PTPRD: variants seen among roughly 807,000 people sequenced by gnomAD.
PTPRD encodes receptor-type tyrosine-protein phosphatase delta.
In PTPRD, 34 loss-of-function variants were observed where a neutral mutation model predicts 214.5. The observed-to-expected ratio is 0.16, with a 90% confidence interval of 0.12 to 0.21. PTPRD has a LOEUF of 0.21. Ranked by LOEUF, PTPRD falls within the 10% of genes least tolerant of loss-of-function variation. The probability of loss-of-function intolerance (pLI) is 1.00; values close to 1 mark genes in which losing one functional copy is unlikely to be tolerated. For synonymous variants in PTPRD, 1,128 were observed against 845.7 expected (o/e 1.33, Z -5.79); for missense variants, 2,545 against 2,398.7 (o/e 1.06, Z -1.27).
chr9:9,845,910 A>G (rs2059442211), intron 5 of PTPRD, among the ~76,000 whole-genome samples: 1 of 152,098 alleles, frequency 6.6e-6, no homozygotes, highest in African/African-American at 2.4e-5. Context: ...AATGACATAC[A>G]CCTGGAGCAG....
chr9:9,486,183 A>AAAAAAAC (rs1374918293), intron 8 of PTPRD, among the ~76,000 whole-genome samples: 4 of 135,778 alleles, frequency 2.9e-5, no homozygotes, highest in Admixed American at 1.5e-4. Context: ...AAAAAAAAAA[A>AAAAAAAC]AAGCCTTCCC....
chr9:8,654,362 G>C (rs537182678), intron 12 of PTPRD, among the ~76,000 whole-genome samples: 3 of 152,234 alleles, frequency 2.0e-5, no homozygotes, highest in East Asian at 3.9e-4. Context: ...GCCAACAAAA[G>C]GCATGATATG....
intron 8 of PTPRD, among the ~76,000 whole-genome samples, chr9:9,482,965 T>C (rs2095481702): frequency 6.6e-6 from 1 of 152,188 alleles, no homozygotes; most frequent in South Asian, 2.1e-4. Context: ...AGTAAAATTA[T>C]TGGCAAACTG....
chr9:9,516,489 T>G (rs2096841480), intron 8 of PTPRD, among the ~76,000 whole-genome samples: 1 of 150,676 alleles, frequency 6.6e-6, no homozygotes, highest in Non-Finnish European at 1.5e-5. Context: ...TAAACTTGTT[T>G]CAAAAAATAA....
intron 12 of PTPRD, among the ~76,000 whole-genome samples, chr9:8,641,885 C>A (rs1244714770): frequency 6.6e-6 from 1 of 152,176 alleles, no homozygotes; most frequent in Non-Finnish European, 1.5e-5. Context: ...GCTAGGCACT[C>A]TGAAGACAAG....
intron 9 of PTPRD, among the ~76,000 whole-genome samples, chr9:9,360,375 T>TA (rs1179763490): frequency 1.3e-5 from 2 of 151,292 alleles, no homozygotes; most frequent in Non-Finnish European, 3.0e-5. Flanking sequence ...TGGAAGCTTT[T>TA]ACCTTAGACT....
intron 3 of PTPRD, among the ~76,000 whole-genome samples, chr9:10,278,391 G>A (rs887177089): frequency 1.3e-5 from 2 of 152,138 alleles, no homozygotes; most frequent in African/African-American, 4.8e-5. Context: ...AGTGGTTCAG[G>A]AGGTCCTGGA....
In PTPRD at chr9:10,262,123, G is replaced by A. The variant is rs538829773; in HGVS notation, c.-545+78840C>T. On this transcript the variant is annotated intron_variant, in intron 3 of 45. Transcript: ENST00000381196. ...ATTTAATTGACAAATGAAGCTGTAA[G>A]GATTAAGACTGAAATTATTTAAAAA... Among the ~76,000 whole-genome samples the A allele has an allele frequency of 2.6e-5, 4 of 151,868 alleles. No individual in the cohort carries two copies. The South Asian group carries it at 8.3e-4, about 32-fold the overall frequency.
At chr9:10,343,336 C>T (rs766654149) in intron 2 of PTPRD, among the ~76,000 whole-genome samples, 1 of 152,126 alleles carries the variant, frequency 6.6e-6, no homozygotes, top group East Asian at 1.9e-4. Flanking sequence ...CATTATATTC[C>T]ATGGTGTATA....
chr9:9,624,290 T>C (rs1379454185), intron 7 of PTPRD, among the ~76,000 whole-genome samples: 1 of 151,950 alleles, frequency 6.6e-6, no homozygotes, highest in Non-Finnish European at 1.5e-5. Context: ...TGTTTGTTTG[T>C]TTGTTTGTTT....
intron 7 of PTPRD, among the ~76,000 whole-genome samples, chr9:9,645,703 C>T (rs2096136773): frequency 6.6e-6 from 1 of 151,880 alleles, no homozygotes; most frequent in South Asian, 2.1e-4. Flanking sequence ...TCTTATTTCA[C>T]TTCTTCCCAC....
chr9:8,475,549 T>G (rs898324525), intron 30 of PTPRD, among the ~76,000 whole-genome samples: 1 of 152,194 alleles, frequency 6.6e-6, no homozygotes, highest in Non-Finnish European at 1.5e-5. Context: ...TAGCCAAGAA[T>G]GTTCTTCTGA....
chr9:8,643,371 A>C (rs911767279), intron 12 of PTPRD, among the ~76,000 whole-genome samples: 1 of 152,034 alleles, frequency 6.6e-6, no homozygotes, highest in Non-Finnish European at 1.5e-5. Context: ...GGAAGGAAGG[A>C]AGGCAGGAAG....
At chr9:9,167,124 G>A (rs1197827700) in intron 10 of PTPRD, among the ~76,000 whole-genome samples, 1 of 152,012 alleles carries the variant, frequency 6.6e-6, no homozygotes, top group Non-Finnish European at 1.5e-5. Flanking sequence ...CAAAACCAGG[G>A]AGCCCAAATC....
chr9:9,020,536 A>G (rs756781432), intron 10 of PTPRD, among the ~76,000 whole-genome samples: 5 of 152,172 alleles, frequency 3.3e-5, no homozygotes, highest in African/African-American at 9.6e-5. Context: ...AGGAACCAAG[A>G]ATGATGGCCA....
intron 7 of PTPRD, among the ~76,000 whole-genome samples, chr9:9,601,261 G>A (rs959018598): frequency 2.6e-5 from 4 of 151,664 alleles, no homozygotes; most frequent in African/African-American, 9.7e-5. Context: ...TTTTCTTTTT[G>A]CATGGTCAAA....
At chr9:9,760,125 G>A (rs766567492) in intron 6 of PTPRD, among the ~76,000 whole-genome samples, 5 of 152,004 alleles carry the variant, frequency 3.3e-5, no homozygotes, top group African/African-American at 4.8e-5. Flanking sequence ...AGTGGATATC[G>A]CTACCCTATT....
At chr9:8,976,569 T>G (rs1024524422) in intron 11 of PTPRD, among the ~76,000 whole-genome samples, 1 of 152,142 alleles carries the variant, frequency 6.6e-6, no homozygotes, top group Non-Finnish European at 1.5e-5. Flanking sequence ...AAGTATTTCC[T>G]AGACTTAAAA....
chr9:9,273,852 T>C (rs1943922708), intron 9 of PTPRD, among the ~76,000 whole-genome samples: 1 of 151,322 alleles, frequency 6.6e-6, no homozygotes, highest in South Asian at 2.1e-4. Context: ...TTCAGTCTTC[T>C]TATTTTATTC....
Sources: gnomAD v4.1 joint callset for allele counts (sites outside exome capture counted in the v4.1 genomes callset) on GRCh38, gnomAD v4.1.1 for gene constraint, MANE v1.5 for transcripts, NCBI Gene and HGNC (gene_info 2026-07-23, HGNC 2026-07-21) for gene names.